Variants in MFHAS1 observed in about 807,000 individuals in gnomAD.
MFHAS1 encodes multifunctional ROCO family signaling regulator 1.
MFHAS1 carries 50 observed loss-of-function variants against 70.4 expected under a neutral mutation model. The observed-to-expected ratio is 0.71, with a 90% CI of 0.57 to 0.90. MFHAS1 has a LOEUF of 0.90. Ranked by LOEUF, MFHAS1 falls within the 40% of genes least tolerant of loss-of-function variation. The pLI is 0.00. For missense variants in MFHAS1, 1,795 were observed against 1,347.6 expected (o/e 1.33, Z -5.20); for synonymous variants, 952 against 620.0 (o/e 1.54, Z -7.96).
chr8:8,876,730 T>A (rs924515104), intron 1 of MFHAS1, among the ~76,000 whole-genome samples: 1 of 152,004 alleles, frequency 6.6e-6, no homozygotes, highest in African/African-American at 2.4e-5. Context: ...AAGGTGTTCA[T>A]ATGAACAGAG....
At chr8:8,872,294 A>G (rs1348642008) in intron 1 of MFHAS1, among the ~76,000 whole-genome samples, 1 of 152,190 alleles carries the variant, frequency 6.6e-6, no homozygotes, top group Non-Finnish European at 1.5e-5. Context: ...CCTGCTTTAC[A>G]GTGGGTTATG....
At chr8:8,843,062 G>A (rs554957210) in intron 1 of MFHAS1, among the ~76,000 whole-genome samples, 2 of 151,322 alleles carry the variant, frequency 1.3e-5, no homozygotes, top group Non-Finnish European at 2.9e-5. Context: ...TCAGGAGATC[G>A]AGACCATCCT....
Position 8,784,828 on chromosome 8 carries a change from A to T in MFHAS1, c.*1194T>A, listed in dbSNP as rs893630155. On this transcript the variant is annotated 3_prime_UTR_variant, in exon 3 of 3. Coordinates refer to ENST00000276282, the MANE Select transcript of MFHAS1 (RefSeq NM_004225.3). ...TGGCCCAATTAAAAGTAGAATGGAG[A>T]GCAATTTGTTTGGTTGGCTTTTTAA... is the stretch of plus-strand genomic sequence containing the variant. 3 of 152,208 alleles carry T rather than the reference A, an allele frequency of 2.0e-5. No individual in the cohort carries two copies. The highest frequency in any genetic ancestry group is 4.8e-5 in the African/African-American group (2 of 41,444). The allele number at this position is 152,208 out of a possible 1,614,324, so 9.4% of individuals were successfully genotyped here.
At chr8:8,818,237 A>T (rs1396651372) in intron 1 of MFHAS1, among the ~76,000 whole-genome samples, 6 of 151,338 alleles carry the variant, frequency 4.0e-5, no homozygotes, top group Non-Finnish European at 7.4e-5. Context: ...TTGTGGTTGA[A>T]GACAATCCAC....
At chr8:8,879,087 G>T (rs940297875) in intron 1 of MFHAS1, among the ~76,000 whole-genome samples, 1 of 152,046 alleles carries the variant, frequency 6.6e-6, no homozygotes, top group Admixed American at 6.6e-5. Context: ...GGTGACTCAC[G>T]CCTGTAATCC....
chr8:8,839,515 T>C (rs1015975849), intron 1 of MFHAS1, among the ~76,000 whole-genome samples: 1 of 152,146 alleles, frequency 6.6e-6, no homozygotes, highest in African/African-American at 2.4e-5. Context: ...ATCTACCAAT[T>C]ATGAAATTAG....
At position 8,789,385 on chromosome 8, in the gene MFHAS1, G is replaced by C. The variant is rs191414062; in HGVS notation, c.3126-3330C>G. Among the ~76,000 whole-genome samples, 17 of 152,280 alleles carry C rather than the reference G, an allele frequency of 1.1e-4. No individual in the cohort carries two copies. The East Asian group carries it at 3.1e-3, about 28-fold the overall frequency. On this transcript the variant is annotated intron_variant, in intron 2 of 2. Transcript: ENST00000276282. ...TTGCGGGAGGAAGGCAATAAATTCA[G>C]CTGTACACCTGTGAAGCCTACAGAC...
At chr8:8,822,888 GA>G (rs1338879246) in intron 1 of MFHAS1, among the ~76,000 whole-genome samples, 1 of 152,186 alleles carries the variant, frequency 6.6e-6, no homozygotes, top group African/African-American at 2.4e-5. Flanking sequence ...CCAAGTCAGG[GA>G]AACTGAGAAG....
At chr8:8,844,595 T>G (rs1380777156) in intron 1 of MFHAS1, among the ~76,000 whole-genome samples, 2 of 152,250 alleles carry the variant, frequency 1.3e-5, no homozygotes, top group Non-Finnish European at 2.9e-5. Flanking sequence ...TTCTCGGGCA[T>G]AAACGGGAAG....
intron 1 of MFHAS1, among the ~76,000 whole-genome samples, chr8:8,860,633 C>T (rs75780279): frequency 0.039 from 5,987 of 152,234 alleles, 183 homozygotes; most frequent in East Asian, 0.13. Flanking sequence ...AAGTGACAGC[C>T]GCTTTCCCAA....
At chr8:8,810,664 C>T (rs914361588) in intron 1 of MFHAS1, among the ~76,000 whole-genome samples, 13 of 152,180 alleles carry the variant, frequency 8.5e-5, no homozygotes, top group Non-Finnish European at 1.6e-4. Context: ...ATAAAACATA[C>T]GAAATACATG....
chr8:8,838,728 G>C (rs1025877933), intron 1 of MFHAS1, among the ~76,000 whole-genome samples: 1 of 151,506 alleles, frequency 6.6e-6, no homozygotes, highest in Non-Finnish European at 1.5e-5. Context: ...CAGGAGAATC[G>C]GTTGAACTGG....
chr8:8,888,541 A>ACACAC (rs1563222181), intron 1 of MFHAS1, among the ~76,000 whole-genome samples: 1 of 149,450 alleles, frequency 6.7e-6, no homozygotes, highest in Non-Finnish European at 1.5e-5. Flanking sequence ...CACACACACA[A>ACACAC]AAACAGTTGT....
At chr8:8,854,643 C>A (rs1162007834) in intron 1 of MFHAS1, among the ~76,000 whole-genome samples, 2 of 151,012 alleles carry the variant, frequency 1.3e-5, no homozygotes, top group Non-Finnish European at 2.9e-5. Flanking sequence ...CAAGATTGCA[C>A]CACTGCACTC....
At chr8:8,864,744 C>T (rs1262863204) in intron 1 of MFHAS1, among the ~76,000 whole-genome samples, 1 of 152,042 alleles carries the variant, frequency 6.6e-6, no homozygotes, top group African/African-American at 2.4e-5. Flanking sequence ...CTTGGGGTCA[C>T]TTGGCAGTCA....
intron 1 of MFHAS1, among the ~76,000 whole-genome samples, chr8:8,867,563 C>T (rs1012380167): frequency 2.8e-5 from 4 of 144,362 alleles, no homozygotes; most frequent in African/African-American, 5.1e-5. Context: ...AATTGCTATA[C>T]TTTTTTTTTT....
chr8:8,850,751 G>C (rs2116871230), intron 1 of MFHAS1, among the ~76,000 whole-genome samples: 1 of 148,944 alleles, frequency 6.7e-6, no homozygotes, highest in Admixed American at 6.8e-5. Flanking sequence ...CTTGAATCCA[G>C]GAGGCGAAGG....
At chr8:8,806,716 T>A (rs1453117815) in intron 1 of MFHAS1, among the ~76,000 whole-genome samples, 1 of 152,160 alleles carries the variant, frequency 6.6e-6, no homozygotes, top group Non-Finnish European at 1.5e-5. Context: ...ATCCCAGCAC[T>A]TTGGGAGGCC....
chr8:8,872,686 G>A (rs1330554238), intron 1 of MFHAS1, among the ~76,000 whole-genome samples: 1 of 152,094 alleles, frequency 6.6e-6, no homozygotes, highest in Admixed American at 6.5e-5. Context: ...CTGGCTGGCT[G>A]CAGTGAGGCC....
Sources: allele counts gnomAD v4.1 joint callset (sites outside exome capture counted in the v4.1 genomes callset), GRCh38; gene constraint gnomAD v4.1.1; transcripts MANE v1.5; gene names NCBI Gene and HGNC (gene_info 2026-07-23, HGNC 2026-07-21).